Variants in SLC71A2 observed in about 807,000 individuals in gnomAD.
SLC71A2 encodes the protein hippocampus abundant transcript-like 1.
the SLC71A2 span, chr9:94,458,447 A>C: frequency 6.2e-7 from 1 of 1,613,976 alleles, no homozygotes; most frequent in Non-Finnish European, 8.5e-7. Context: ...ATTGAATTCT[A>C]ACAACGTTCC....
chr9:94,387,327 C>G, the SLC71A2 span, among the ~76,000 whole-genome samples: 1 of 152,098 alleles, frequency 6.6e-6, no homozygotes, highest in Non-Finnish European at 1.5e-5. Flanking sequence ...AGTATTAGAC[C>G]TTTCCAATGA....
At chr9:94,384,571 C>T in the SLC71A2 span, among the ~76,000 whole-genome samples, 1 of 152,204 alleles carries the variant, frequency 6.6e-6, no homozygotes, top group Non-Finnish European at 1.5e-5. Context: ...AACTCCTGGG[C>T]TCAAGTGATA....
At chr9:94,418,284 A>C in the SLC71A2 span, among the ~76,000 whole-genome samples, 2 of 152,020 alleles carry the variant, frequency 1.3e-5, no homozygotes, top group Non-Finnish European at 2.9e-5. Flanking sequence ...ATTTGTCTTC[A>C]AGGTTACTGT....
At chr9:94,419,507 G>A in the SLC71A2 span, among the ~76,000 whole-genome samples, 10 of 151,862 alleles carry the variant, frequency 6.6e-5, no homozygotes, top group Non-Finnish European at 1.3e-4. Flanking sequence ...GGGTTTCACC[G>A]TGTTAGCCAG....
the SLC71A2 span, among the ~76,000 whole-genome samples, chr9:94,423,320 A>G: frequency 4.3e-3 from 294 of 69,146 alleles, 3 homozygotes; most frequent in African/African-American, 0.046. Flanking sequence ...AAATTTCAGG[A>G]TCTAAAAAAT....
At chr9:94,383,281 G>A in the SLC71A2 span, among the ~76,000 whole-genome samples, 13 of 148,854 alleles carry the variant, frequency 8.7e-5, no homozygotes, top group African/African-American at 3.2e-4. Context: ...TCCTGCCTCA[G>A]CCTCCTGAGT....
At chr9:94,388,161 TTTAAA>T in the SLC71A2 span, among the ~76,000 whole-genome samples, 1 of 152,150 alleles carries the variant, frequency 6.6e-6, no homozygotes, top group African/African-American at 2.4e-5. Context: ...GGCTTTATAT[TTTAAA>T]TTATTAGTCA....
At chr9:94,446,773 A>G in the SLC71A2 span, 12 of 924,478 alleles carry the variant, frequency 1.3e-5, 1 homozygote, top group South Asian at 1.4e-4. Flanking sequence ...AACATTGGCA[A>G]CATTAATGTG....
At chr9:94,440,729 C>A in the SLC71A2 span, among the ~76,000 whole-genome samples, 1 of 151,938 alleles carries the variant, frequency 6.6e-6, no homozygotes, top group African/African-American at 2.4e-5. Flanking sequence ...TTACCTAATC[C>A]CCTTATTCTT....
the SLC71A2 span, chr9:94,429,362 A>C: frequency 6.8e-7 from 1 of 1,466,190 alleles, no homozygotes; most frequent in Non-Finnish European, 9.2e-7. Flanking sequence ...TTTGTTCTGG[A>C]GGCTGAAATC....
the SLC71A2 span, among the ~76,000 whole-genome samples, chr9:94,448,042 T>TA: frequency 6.6e-6 from 1 of 152,240 alleles, no homozygotes; most frequent in African/African-American, 2.4e-5. Flanking sequence ...AACGACACCT[T>TA]ACTTGCTTTA....
the SLC71A2 span, among the ~76,000 whole-genome samples, chr9:94,442,887 T>TC: frequency 7.2e-6 from 1 of 138,504 alleles, no homozygotes; most frequent in Non-Finnish European, 1.6e-5. Context: ...ATTAACAACC[T>TC]CCCCCCGCCC....
the SLC71A2 span, among the ~76,000 whole-genome samples, chr9:94,423,910 T>C: frequency 1.3e-5 from 2 of 151,398 alleles, no homozygotes; most frequent in African/African-American, 4.8e-5. Context: ...TTGCTTATGG[T>C]TAGTGTTTTT....
the SLC71A2 span, chr9:94,459,259 T>TGGA: frequency 6.2e-7 from 1 of 1,614,162 alleles, no homozygotes; most frequent in East Asian, 2.2e-5. Context: ...GTAAAGCCAG[T>TGGA]GGAGTTCAAA....
At chr9:94,398,480 A>G in the SLC71A2 span, among the ~76,000 whole-genome samples, 3 of 152,130 alleles carry the variant, frequency 2.0e-5, no homozygotes, top group Non-Finnish European at 4.4e-5. Context: ...TTTGGTCCAT[A>G]ACTAAGGTCT....
chr9:94,422,879 C>T, the SLC71A2 span, among the ~76,000 whole-genome samples: 2 of 151,464 alleles, frequency 1.3e-5, no homozygotes, highest in African/African-American at 4.8e-5. Context: ...TGTCTCTATA[C>T]GCACACATAT....
chr9:94,441,952 T>C, the SLC71A2 span, among the ~76,000 whole-genome samples: 118 of 152,342 alleles, frequency 7.7e-4, no homozygotes, highest in African/African-American at 2.6e-3. Context: ...CCAGTTACTT[T>C]CAGATGTTTC....
At chr9:94,399,063 ACCTTGG>A in the SLC71A2 span, among the ~76,000 whole-genome samples, 1 of 151,850 alleles carries the variant, frequency 6.6e-6, no homozygotes, top group Non-Finnish European at 1.5e-5. Flanking sequence ...TGATCCGCCC[ACCTTGG>A]CCTCCCAGAG....
At chr9:94,445,067 T>C in the SLC71A2 span, 1 of 1,614,238 alleles carries the variant, frequency 6.2e-7, no homozygotes, top group East Asian at 2.2e-5. Context: ...GCCACAGTGG[T>C]GGCTCTTCTG....
Sources: gnomAD v4.1 joint callset for allele counts (sites outside exome capture counted in the v4.1 genomes callset) on GRCh38, gnomAD v4.1.1 for gene constraint, MANE v1.5 for transcripts, NCBI Gene and HGNC (gene_info 2026-07-23, HGNC 2026-07-21) for gene names.